The following HTRA3 variants were observed in gnomAD, a reference collection of about 807,000 sequenced individuals.
HTRA3 encodes the protein HtrA serine peptidase 3.
Under a neutral mutation model 43.2 loss-of-function variants are expected in HTRA3, and 41 were observed. That is an observed-to-expected ratio of 0.95 (90% CI 0.74 to 1.23). HTRA3 has a LOEUF of 1.23. Among genes scored for constraint, HTRA3 ranks in the 50% most tolerant of loss-of-function variants. The probability of loss-of-function intolerance (pLI) is 0.00; values close to 1 mark genes in which losing one functional copy is unlikely to be tolerated. For missense variants in HTRA3, 628 were observed against 647.1 expected, an observed-to-expected ratio of 0.97 and a Z score of 0.32; for synonymous variants, 295 against 287.9, an observed-to-expected ratio of 1.02 and a Z score of -0.25.
chr4:8,306,390 A>G lies in HTRA3; in HGVS notation c.*254A>G, dbSNP rs1384274044. On this transcript the variant is annotated 3_prime_UTR_variant, in exon 9 of 9. Transcript: ENST00000307358. This position sits in a 1 kb window ranked among gnomAD's most constrained non-coding sequence, Gnocchi z 8.9. The stretch of plus-strand genomic sequence containing the variant: ...CAGATGATCCTGAAAGTCACTTCCA[A>G]GTTCTCCGGATATTCACAAAACTGC... 3 of 405,214 alleles carry G rather than the reference A, an allele frequency of 7.4e-6. No individual in the cohort carries two copies. Among genetic ancestry groups the G allele is most frequent in the Non-Finnish European group, 1.3e-5 (3 of 225,932 alleles). 25.1% of individuals were successfully genotyped at this position (405,214 alleles called of 1,614,324 possible).
Position 8,269,894 on chromosome 4 carries a change from C to T in HTRA3, c.-75C>T. 4.1e-6 allele frequency: 3 copies of T among 733,044 alleles called. No individual in the cohort carries two copies. The highest frequency in any genetic ancestry group is 5.0e-6 in the Non-Finnish European group (3 of 596,140). 45.4% of individuals were successfully genotyped at this position (733,044 alleles called of 1,614,324 possible). A position where few individuals can be genotyped will look rare whatever the true frequency, so the allele number is the denominator to read the frequency against. On this transcript the variant is annotated 5_prime_UTR_variant, in exon 1 of 9. Transcript: ENST00000307358. ...CATCCGTAGGCGCCCGGCGCCCGGC[C>T]CCGCAGCGGCCTCGTTGTCCCCGCC...
intron 8 of HTRA3, among the ~76,000 whole-genome samples, chr4:8,305,749 C>G (rs1388650265): frequency 6.6e-6 from 1 of 152,154 alleles, no homozygotes; most frequent in Non-Finnish European, 1.5e-5. Context: ...ACCCACCCTT[C>G]TGACGCATGG....
intron 1 of HTRA3, among the ~76,000 whole-genome samples, chr4:8,278,491 A>C (rs918931260): frequency 2.0e-5 from 3 of 151,364 alleles, no homozygotes; most frequent in Non-Finnish European, 2.9e-5. Context: ...GTTGTCAAAA[A>C]CCCCCAAATA....
rs140696626 is a variant in HTRA3 at position 8,300,433 on chromosome 4, G to A, written c.1052-2030G>A. 7.2e-5 allele frequency among the ~76,000 whole-genome samples: 11 copies of A among 152,190 alleles called. No homozygotes were observed. In the South Asian group the frequency reaches 1.7e-3, roughly 23 times the overall value. ...CTTTAATAGATGTAGTGCTATTTGCGTTATTTCTTCTTGAATGAGATTTGG... is the reference window on the plus strand; with the variant it reads ...CTTTAATAGATGTAGTGCTATTTGCATTATTTCTTCTTGAATGAGATTTGG... On this transcript the variant is annotated intron_variant, in intron 6 of 8. Transcript: ENST00000307358.
Sources: gnomAD v4.1 joint callset for allele counts (sites outside exome capture counted in the v4.1 genomes callset) on GRCh38, gnomAD v4.1.1 for gene constraint, Gnocchi (gnomAD v3.1) non-coding constraint, MANE v1.5 for transcripts, NCBI Gene and HGNC (gene_info 2026-07-23, HGNC 2026-07-21) for gene names.